The following GRM8 variants were observed in gnomAD, a reference collection of about 807,000 sequenced individuals.
The protein encoded by GRM8 is metabotropic glutamate receptor 8.
In GRM8, 47 loss-of-function variants were observed where a neutral mutation model predicts 87.2. That is an observed-to-expected ratio of 0.54 (90% confidence interval 0.43 to 0.69). The LOEUF (loss-of-function observed/expected upper bound fraction) is 0.69. Ranked by LOEUF, GRM8 falls within the 30% of genes least tolerant of loss-of-function variation. The pLI is 0.00. For missense variants in GRM8, 1,019 were observed against 1,139.2 expected (o/e 0.89, Z 1.52); for synonymous variants, 396 against 404.5 (o/e 0.98, Z 0.25).
At chr7:126,583,092 A>G (rs986640597) in intron 8 of GRM8, among the ~76,000 whole-genome samples, 8 of 152,212 alleles carry the variant, frequency 5.3e-5, no homozygotes, top group African/African-American at 1.7e-4. Context: ...GTGGTGGCTC[A>G]TGCCTGTAGT....
intron 8 of GRM8, among the ~76,000 whole-genome samples, chr7:126,559,875 CT>C (rs1793532146): frequency 6.6e-6 from 1 of 152,190 alleles, no homozygotes; most frequent in African/African-American, 2.4e-5. Flanking sequence ...CCATTTGCAA[CT>C]GGATATATTT....
At chr7:126,898,371 T>A (rs1486881179) in intron 6 of GRM8, among the ~76,000 whole-genome samples, 1 of 152,172 alleles carries the variant, frequency 6.6e-6, no homozygotes, top group African/African-American at 2.4e-5. Context: ...GAGACAAATA[T>A]CTTCTCTTAT....
chr7:127,124,011 T>C (rs1333563025), intron 2 of GRM8, among the ~76,000 whole-genome samples: 1 of 152,156 alleles, frequency 6.6e-6, no homozygotes, highest in Non-Finnish European at 1.5e-5. Flanking sequence ...ATTGCCTCTC[T>C]CTTTCAAGTC....
chr7:126,867,090 T>C (rs1008675692), intron 6 of GRM8, among the ~76,000 whole-genome samples: 3 of 152,320 alleles, frequency 2.0e-5, no homozygotes, highest in African/African-American at 7.2e-5. Context: ...AAGCATGGAA[T>C]TATAAAATCT....
chr7:126,547,507 T>A (rs1169115860), intron 8 of GRM8, among the ~76,000 whole-genome samples: 2 of 152,038 alleles, frequency 1.3e-5, no homozygotes, highest in Admixed American at 1.3e-4. Flanking sequence ...TAAATTATAA[T>A]TCTGGATAAT....
At chr7:126,619,881 AG>A (rs1462196828) in intron 7 of GRM8, among the ~76,000 whole-genome samples, 2 of 152,102 alleles carry the variant, frequency 1.3e-5, no homozygotes, top group Non-Finnish European at 2.9e-5. Flanking sequence ...TGGTAGACAT[AG>A]GGTTTTGCAT....
intron 8 of GRM8, among the ~76,000 whole-genome samples, chr7:126,584,227 C>T (rs1300508707): frequency 1.3e-5 from 2 of 151,304 alleles, no homozygotes; most frequent in African/African-American, 2.4e-5. Flanking sequence ...GTAAAGATAA[C>T]TTTTTTTTTA....
At chr7:126,739,824 T>A (rs1814734185) in intron 7 of GRM8, among the ~76,000 whole-genome samples, 2 of 152,114 alleles carry the variant, frequency 1.3e-5, no homozygotes, top group South Asian at 4.1e-4. Flanking sequence ...TAGATAGGTT[T>A]GGATACACAA....
chr7:126,787,334 CA>C (rs993134724), intron 6 of GRM8, among the ~76,000 whole-genome samples: 2 of 151,982 alleles, frequency 1.3e-5, no homozygotes, highest in Non-Finnish European at 1.5e-5. Context: ...TGGGAGTCAA[CA>C]AAAAGAGGGG....
chr7:126,787,307 C>G (rs1293242656), intron 6 of GRM8, among the ~76,000 whole-genome samples: 1 of 152,142 alleles, frequency 6.6e-6, no homozygotes, highest in Non-Finnish European at 1.5e-5. Flanking sequence ...ATCCCAAAGT[C>G]CCCTTTCTCA....
intron 2 of GRM8, among the ~76,000 whole-genome samples, chr7:127,154,363 C>T (rs1471434355): frequency 6.6e-6 from 1 of 152,118 alleles, no homozygotes; most frequent in Non-Finnish European, 1.5e-5. Flanking sequence ...GCTTAAAACA[C>T]CAAGTGATGT....
At chr7:127,019,556 TAC>T (rs551266413) in intron 3 of GRM8, among the ~76,000 whole-genome samples, 1 of 152,124 alleles carries the variant, frequency 6.6e-6, no homozygotes, top group Non-Finnish European at 1.5e-5. Flanking sequence ...TTCCTAATTA[TAC>T]ACACTGATTT....
chr7:126,891,044 C>T (rs1201491033), intron 6 of GRM8, among the ~76,000 whole-genome samples: 5 of 151,968 alleles, frequency 3.3e-5, no homozygotes, highest in Non-Finnish European at 7.4e-5. Flanking sequence ...GATCCTTAAA[C>T]TCAGTATCTC....
chr7:127,090,199 T>C (rs534831272), intron 3 of GRM8, among the ~76,000 whole-genome samples: 1 of 152,362 alleles, frequency 6.6e-6, no homozygotes, highest in East Asian at 1.9e-4. Context: ...ATCCAGTTTC[T>C]GCACACGTAC....
intron 2 of GRM8, among the ~76,000 whole-genome samples, chr7:127,130,485 T>A (rs757695365): frequency 6.6e-6 from 1 of 152,204 alleles, no homozygotes; most frequent in South Asian, 2.1e-4. Flanking sequence ...AAGGAACTTA[T>A]TGAGAACTGG....
intron 9 of GRM8, among the ~76,000 whole-genome samples, chr7:126,490,123 T>C (rs921644184): frequency 1.3e-5 from 2 of 152,096 alleles, no homozygotes; most frequent in African/African-American, 4.8e-5. Context: ...ATATGCAAAT[T>C]CCCATACTAA....
chr7:126,986,812 T>C (rs1429739367), intron 3 of GRM8, among the ~76,000 whole-genome samples: 1 of 152,174 alleles, frequency 6.6e-6, no homozygotes, highest in East Asian at 1.9e-4. Flanking sequence ...CAGGAAAATG[T>C]TTAATTGTGT....
chr7:127,205,842 A>G (rs1764989483), intron 2 of GRM8, among the ~76,000 whole-genome samples: 1 of 151,890 alleles, frequency 6.6e-6, no homozygotes, highest in Non-Finnish European at 1.5e-5. Context: ...ATTCCCTTGT[A>G]TTCTCATCTC....
At chr7:126,579,465 CAGTG>C (rs1795408397) in intron 8 of GRM8, among the ~76,000 whole-genome samples, 1 of 152,152 alleles carries the variant, frequency 6.6e-6, no homozygotes, top group African/African-American at 2.4e-5. Flanking sequence ...GGAAAGATTT[CAGTG>C]CAGTAACATG....
Sources: allele counts gnomAD v4.1 joint callset (sites outside exome capture counted in the v4.1 genomes callset), GRCh38; gene constraint gnomAD v4.1.1; transcripts MANE v1.5; gene names NCBI Gene and HGNC (gene_info 2026-07-23, HGNC 2026-07-21).